The following DLC1 variants were observed in gnomAD, a reference collection of about 807,000 sequenced individuals.
DLC1 encodes the protein rho GTPase-activating protein 7.
A neutral mutation model predicts 140.3 loss-of-function variants in DLC1; 54 were observed. That is an observed-to-expected ratio of 0.38 (90% confidence interval 0.31 to 0.48). The LOEUF (loss-of-function observed/expected upper bound fraction) is 0.48, where lower values mean the gene tolerates loss of function less well. Ranked by LOEUF, DLC1 falls within the 20% of genes least tolerant of loss-of-function variation. The pLI, the probability that DLC1 is intolerant of heterozygous loss-of-function variation, is 0.96. For synonymous variants in DLC1, 986 were observed against 728.1 expected, an observed-to-expected ratio of 1.35 and a Z score of -5.70; for missense variants, 2,536 against 1,907.0, an observed-to-expected ratio of 1.33 and a Z score of -6.14.
At chr8:13,218,928 ACG>A (rs1361816279) in intron 5 of DLC1, among the ~76,000 whole-genome samples, 1 of 61,994 alleles carries the variant, frequency 1.6e-5, no homozygotes, top group African/African-American at 8.1e-5. Flanking sequence ...TTATATAATT[ACG>A]TACGAATATG....
At chr8:13,396,263 A>G (rs1029188150) in intron 3 of DLC1, among the ~76,000 whole-genome samples, 5 of 151,618 alleles carry the variant, frequency 3.3e-5, no homozygotes, top group African/African-American at 1.2e-4. Flanking sequence ...GTTTCATCGT[A>G]TTAGCCAGGA....
rs188594908 is a variant in DLC1 at position 13,344,959 on chromosome 8, A to G, written c.1315-39657T>C. ...TTTAATCAAATTGGATAATGAGGGGATAAAGGGGAACGATAAAAACAAGTT... is the reference window on the plus strand; with the variant it reads ...TTTAATCAAATTGGATAATGAGGGGGTAAAGGGGAACGATAAAAACAAGTT... On this transcript the variant is annotated intron_variant, in intron 4 of 17. Coordinates refer to ENST00000276297, the MANE Select transcript of DLC1 (RefSeq NM_182643.3). Among the ~76,000 whole-genome samples, 74 of 152,266 alleles carry G rather than the reference A, an allele frequency of 4.9e-4. 1 individual carries two copies. Among genetic ancestry groups the G allele is most frequent in the Admixed American group, 1.4e-3 (22 of 15,286 alleles).
Position 13,299,478 on chromosome 8 carries a change from CT to C in DLC1, c.1348+5790del, listed in dbSNP as rs36119138. The stretch of plus-strand genomic sequence containing the variant: ...AAAGAAAAAAAAAAAAGCTCCTCAT[CT>C]TTTTTTTTTTTTTTTTTTCTGGTTA... On this transcript the variant is annotated intron_variant, in intron 5 of 17. Transcript: ENST00000276297. 9.9e-3 allele frequency among the ~76,000 whole-genome samples: 1,136 copies of C among 114,562 alleles called. 7 individuals are homozygous for C. The highest frequency in any genetic ancestry group is 0.02 in the African/African-American group (630 of 31,680). The allele number at this position is 114,562 out of a possible 152,430, so 75.2% of individuals were successfully genotyped here.
chr8:13,579,435 A>ATAT (rs1804991514), intron 1 of DLC1, among the ~76,000 whole-genome samples: 1 of 21,408 alleles, frequency 4.7e-5, no homozygotes, highest in African/African-American at 9.9e-5. Flanking sequence ...TATATTTAAT[A>ATAT]CATTATATTT....
chr8:13,326,467 T>C (rs998781811), intron 4 of DLC1, among the ~76,000 whole-genome samples: 3 of 152,204 alleles, frequency 2.0e-5, no homozygotes, highest in Non-Finnish European at 4.4e-5. Context: ...ATTGTGCATA[T>C]AGTCTTGCCA....
rs1586140530 is a variant in DLC1 at position 13,325,042 on chromosome 8, G to A, written c.1315-19740C>T. ...CTTAAAATTACACACTTTCTGAAAT[G>A]CATCACATAGAAAACAGATATAACA... On this transcript the variant is annotated intron_variant, in intron 4 of 17. Transcript: ENST00000276297. 2.6e-5 allele frequency among the ~76,000 whole-genome samples: 4 copies of A among 152,314 alleles called. No individual in the cohort carries two copies. In the East Asian group the frequency reaches 7.7e-4, roughly 29 times the overall value.
At chr8:13,578,688 A>C (rs946227019) in intron 1 of DLC1, among the ~76,000 whole-genome samples, 2 of 152,134 alleles carry the variant, frequency 1.3e-5, no homozygotes, top group African/African-American at 4.8e-5. Flanking sequence ...GTTTATTATA[A>C]AGGATATTAC....
intron 2 of DLC1, among the ~76,000 whole-genome samples, chr8:13,414,823 G>A (rs1837969910): frequency 6.6e-6 from 1 of 151,892 alleles, no homozygotes; most frequent in Non-Finnish European, 1.5e-5. Context: ...TTGAGGCTGG[G>A]GGGCAGGGAC....
At chr8:13,318,292 C>T (rs1375305532) in intron 4 of DLC1, among the ~76,000 whole-genome samples, 1 of 151,838 alleles carries the variant, frequency 6.6e-6, no homozygotes. Flanking sequence ...CCTTGGCTTC[C>T]CAAAGTTCTG....
intron 1 of DLC1, among the ~76,000 whole-genome samples, chr8:13,500,639 C>A (rs1435449397): frequency 6.6e-6 from 1 of 152,206 alleles, no homozygotes; most frequent in Non-Finnish European, 1.5e-5. Context: ...CACCAGGGAA[C>A]TGTTCATGCA....
At chr8:13,090,123 C>T in intron 15 of DLC1, 129 bp downstream of exon 15, 1 of 822,632 alleles carries the variant, frequency 1.2e-6, no homozygotes. Flanking sequence ...CACCCCGGTG[C>T]CCAGCTCTAC....
chr8:13,439,303 G>A lies in DLC1; in HGVS notation c.1024-37684C>T, dbSNP rs1010273050. Among the ~76,000 whole-genome samples the A allele has an allele frequency of 2.0e-5, 3 of 152,114 alleles. No individual in the cohort carries two copies. In the East Asian group the frequency reaches 5.8e-4, roughly 30 times the overall value. On this transcript the variant is annotated intron_variant, in intron 2 of 17. Transcript: ENST00000276297. ...TGTGCCACTGCACTCCAGTCTGGGCGACAGAGTGAGAGTCCATGTCAAAAA... is the reference window on the plus strand; with the variant it reads ...TGTGCCACTGCACTCCAGTCTGGGCAACAGAGTGAGAGTCCATGTCAAAAA...
chr8:13,391,756 A>C (rs752584527), intron 4 of DLC1, among the ~76,000 whole-genome samples: 8 of 152,208 alleles, frequency 5.3e-5, no homozygotes, highest in Admixed American at 1.3e-4. Context: ...TGAAATGTGT[A>C]TGTTCCAAGA....
intron 5 of DLC1, among the ~76,000 whole-genome samples, chr8:13,290,565 G>A (rs1489554444): frequency 2.0e-5 from 3 of 151,846 alleles, no homozygotes. Context: ...ATTCACATGT[G>A]GTTTTTATTA....
chr8:13,152,730 C>T (rs1823917077), intron 5 of DLC1, among the ~76,000 whole-genome samples: 1 of 148,022 alleles, frequency 6.8e-6, no homozygotes. Context: ...ATGGGAACAG[C>T]ACCAGAGTCT....
At chr8:13,244,977 A>G (rs953686135) in intron 5 of DLC1, among the ~76,000 whole-genome samples, 2 of 152,198 alleles carry the variant, frequency 1.3e-5, no homozygotes, top group Non-Finnish European at 2.9e-5. Context: ...ATTCTTTGAC[A>G]TAACTTCCTT....
At chr8:13,487,889 C>T (rs1801043998) in intron 2 of DLC1, among the ~76,000 whole-genome samples, 1 of 152,124 alleles carries the variant, frequency 6.6e-6, no homozygotes. Flanking sequence ...TCTTGTTTTA[C>T]ACTTAAAGAA....
At chr8:13,538,361 C>G (rs1040596470) in intron 1 of DLC1, among the ~76,000 whole-genome samples, 1 of 147,620 alleles carries the variant, frequency 6.8e-6, no homozygotes, top group Non-Finnish European at 1.5e-5. Flanking sequence ...GGTGCCAGCA[C>G]TGAGTATAAA....
intron 1 of DLC1, among the ~76,000 whole-genome samples, chr8:13,582,929 T>C (rs1457542161): frequency 7.2e-6 from 1 of 139,156 alleles, no homozygotes; most frequent in Non-Finnish European, 1.5e-5. Context: ...TGTGGTGTAA[T>C]AGCATTATGT....
Sources: allele counts gnomAD v4.1 joint callset (sites outside exome capture counted in the v4.1 genomes callset), GRCh38; gene constraint gnomAD v4.1.1; transcripts MANE v1.5; gene names NCBI Gene and HGNC (gene_info 2026-07-23, HGNC 2026-07-21).